The following ASXL2 variants were observed in gnomAD, a reference collection of about 807,000 sequenced individuals.
ASXL2 encodes the protein ASXL transcriptional regulator 2, also known as putative Polycomb group protein ASXL2.
In ASXL2, 23 loss-of-function variants were observed where a neutral mutation model predicts 122.0. The observed-to-expected ratio is 0.19, with a 90% CI of 0.14 to 0.27. ASXL2 has a LOEUF of 0.27. Among genes scored for constraint, ASXL2 ranks in the 10% least tolerant of loss-of-function variants. The pLI, the probability that ASXL2 is intolerant of heterozygous loss-of-function variation, is 1.00. For synonymous variants in ASXL2, 650 were observed against 637.0 expected (o/e 1.02, Z -0.31); for missense variants, 1,518 against 1,713.8 (o/e 0.89, Z 2.02).
At chr2:25,753,775 CA>C in intron 10 of ASXL2, 136 bp from the exon 11 acceptor site, 1 of 680,522 alleles carries the variant, frequency 1.5e-6, no homozygotes, top group South Asian at 1.9e-5. Context: ...CAAACCTCCT[CA>C]CTGTAAAGGA....
rs769748856 is a variant in ASXL2, at chr2:25,742,008, G to A, written c.*21C>T. On this transcript the variant is annotated 3_prime_UTR_variant, in exon 13 of 13. Transcript: ENST00000435504. ...ACCCTTCCCTTCCCCCTCCTTTACA[G>A]TGTATCTCTTTCTAGTCTCATTACC... 1.3e-6 allele frequency: 2 copies of A among 1,596,908 alleles called. No individual in the cohort carries two copies. Among genetic ancestry groups the A allele is most frequent in the South Asian group, 1.1e-5 (1 of 88,672 alleles).
At chr2:25,785,271 G>C (rs1361854116) in intron 5 of ASXL2, among the ~76,000 whole-genome samples, 1 of 152,056 alleles carries the variant, frequency 6.6e-6, no homozygotes. Context: ...TGTCTCCCTG[G>C]CTGGAGGACA....
rs1448020508 is a variant in ASXL2, at chr2:25,744,932, G to A, written c.1861-456C>T. Among the ~76,000 whole-genome samples, 3 of 121,946 alleles carry A rather than the reference G, an allele frequency of 2.5e-5. No individual in the cohort carries two copies. The highest frequency in any genetic ancestry group is 9.1e-5 in the African/African-American group (3 of 32,806). 80.0% of individuals were successfully genotyped at this position (121,946 alleles called of 152,430 possible). A position where few individuals can be genotyped will look rare whatever the true frequency, so the allele number is the denominator to read the frequency against. ...CAGGGGAAAATACTTGCTCTTCTCT[G>A]TTCCACACACACACACACACACACA... On this transcript the variant is annotated intron_variant, in intron 12 of 12. Coordinates refer to ENST00000435504, the MANE Select transcript of ASXL2 (RefSeq NM_018263.6). This position sits in a 1 kb window ranked among gnomAD's most constrained non-coding sequence, Gnocchi z 4.7.
chr2:25,753,467 G>T, intron 11 of ASXL2, 67 bp downstream of exon 11: 1 of 1,130,830 alleles, frequency 8.8e-7, no homozygotes, highest in South Asian at 1.7e-5. Flanking sequence ...AAGGTAATGA[G>T]ATAAAGCACT....
intron 4 of ASXL2, among the ~76,000 whole-genome samples, chr2:25,801,472 C>G (rs897904947): frequency 6.6e-6 from 1 of 152,028 alleles, no homozygotes; most frequent in Admixed American, 6.6e-5. Flanking sequence ...CTCTCTGAGC[C>G]GTCTCTTATG....
intron 8 of ASXL2, among the ~76,000 whole-genome samples, chr2:25,766,396 T>C (rs2088351245): frequency 6.6e-6 from 1 of 152,250 alleles, no homozygotes; most frequent in Non-Finnish European, 1.5e-5. Flanking sequence ...ATAGTCCTAC[T>C]ATGTGAGACA....
chr2:25,781,961 TTTTTC>T (rs1394371346), intron 5 of ASXL2, among the ~76,000 whole-genome samples: 9,071 of 83,768 alleles, frequency 0.11, 1,366 homozygotes, highest in African/African-American at 0.19. Context: ...CGCCCGGGCT[TTTTTC>T]TTTTTTTTTT....
At chr2:25,829,245 C>G (rs761949061) in intron 3 of ASXL2, among the ~76,000 whole-genome samples, 3 of 151,746 alleles carry the variant, frequency 2.0e-5, no homozygotes, top group Non-Finnish European at 4.4e-5. Context: ...CTGAGACAAA[C>G]AGAGAGACAG....
intron 1 of ASXL2, among the ~76,000 whole-genome samples, chr2:25,853,505 C>G (rs1226526083): frequency 6.6e-6 from 1 of 152,116 alleles, no homozygotes; most frequent in African/African-American, 2.4e-5. Context: ...TAATGTTGGT[C>G]TTCTTCAGGG....
At chr2:25,778,703 C>T (rs920898750) in intron 5 of ASXL2, among the ~76,000 whole-genome samples, 4 of 152,110 alleles carry the variant, frequency 2.6e-5, no homozygotes, top group African/African-American at 9.7e-5. Flanking sequence ...AGTGGGAGCT[C>T]CTTCAAGTTG....
intron 5 of ASXL2, among the ~76,000 whole-genome samples, chr2:25,791,413 C>T (rs994963666): frequency 6.6e-6 from 1 of 150,452 alleles, no homozygotes; most frequent in Non-Finnish European, 1.5e-5. Flanking sequence ...CTTGAACCCA[C>T]GATGGGGAGG....
chr2:25,762,665 G>GAAAAAAAAAAAAAAAA (rs60065368), intron 8 of ASXL2, among the ~76,000 whole-genome samples: 6 of 34,268 alleles, frequency 1.8e-4, no homozygotes, highest in Admixed American at 4.4e-4. Flanking sequence ...ACTCTTTCTC[G>GAAAAAAAAAAAAAAAA]AAAAAAAAAA....
At chr2:25,759,355 T>TA (rs1430151326) in intron 9 of ASXL2, 127 bp downstream of exon 9, 3 of 1,051,634 alleles carry the variant, frequency 2.9e-6, no homozygotes, top group Non-Finnish European at 4.0e-6. Flanking sequence ...TCCTAAGCCT[T>TA]AAAAAAACCT....
intron 9 of ASXL2, 85 bp from the exon 10 acceptor site, chr2:25,756,199 A>G: frequency 4.5e-6 from 3 of 659,852 alleles, no homozygotes; most frequent in Non-Finnish European, 7.2e-6. Flanking sequence ...ATTTTATAAA[A>G]GAATGTATAT....
chr2:25,845,241 A>G (rs1429975951), intron 2 of ASXL2: 3 of 536,612 alleles, frequency 5.6e-6, no homozygotes, highest in Non-Finnish European at 1.0e-5. Flanking sequence ...CCTAAAAATT[A>G]AAGTGCATGG....
intron 3 of ASXL2, among the ~76,000 whole-genome samples, chr2:25,830,239 T>C (rs529574028): frequency 2.0e-5 from 3 of 152,308 alleles, no homozygotes; most frequent in East Asian, 3.9e-4. Flanking sequence ...CCTAACATGA[T>C]AGCCAAAATA....
At chr2:25,860,686 G>A (rs1210022379) in intron 1 of ASXL2, among the ~76,000 whole-genome samples, 1 of 151,558 alleles carries the variant, frequency 6.6e-6, no homozygotes, top group Non-Finnish European at 1.5e-5. Context: ...ACTCCAGCCT[G>A]GGCGACAGAG....
Position 25,817,143 on chromosome 2 carries a change from C to T in ASXL2, c.144-10806G>A, listed in dbSNP as rs189402373. ...TCTCAAAAAAAAAAATTCTTAAGCC[C>T]GCAAGAACTCAGGGAAAAGATCATC... is the stretch of plus-strand genomic sequence containing the variant. On this transcript the variant is annotated intron_variant, in intron 3 of 12. Coordinates refer to ENST00000435504, the MANE Select transcript of ASXL2 (RefSeq NM_018263.6). Among the ~76,000 whole-genome samples the T allele has an allele frequency of 7.2e-5, 11 of 152,048 alleles. No homozygotes were observed. The East Asian group carries it at 1.2e-3, about 16-fold the overall frequency.
chr2:25,792,775 T>C (rs189754776), intron 5 of ASXL2, among the ~76,000 whole-genome samples: 1,728 of 151,668 alleles, frequency 0.011, 12 homozygotes, highest in Non-Finnish European at 0.019. Flanking sequence ...CCAGCTAATT[T>C]TTGTATTTTT....
Sources: allele counts gnomAD v4.1 joint callset (sites outside exome capture counted in the v4.1 genomes callset), GRCh38; gene constraint gnomAD v4.1.1; non-coding constraint Gnocchi (gnomAD v3.1); transcripts MANE v1.5; gene names NCBI Gene and HGNC (gene_info 2026-07-23, HGNC 2026-07-21).